Variants in LRRC31 observed in about 807,000 individuals in gnomAD.
LRRC31 encodes leucine-rich repeat-containing protein 31.
In LRRC31, 35 loss-of-function variants were observed where a neutral mutation model predicts 46.7. The ratio of observed to expected loss-of-function variants is 0.75; its 90% CI spans 0.57 to 0.99. LRRC31 has a LOEUF of 0.99. LRRC31 is among the 50% of genes least tolerant of loss of function. The probability of loss-of-function intolerance (pLI) is 0.00; values close to 1 mark genes in which losing one functional copy is unlikely to be tolerated. For missense variants in LRRC31, 613 were observed against 626.1 expected (o/e 0.98, Z 0.22); for synonymous variants, 236 against 235.1 (o/e 1.00, Z -0.03).
chr3:169,868,229 T>A (rs1781389125), intron 1 of LRRC31, among the ~76,000 whole-genome samples: 1 of 152,174 alleles, frequency 6.6e-6, no homozygotes. Flanking sequence ...TTCCTGACTC[T>A]CTCTCAAGCA....
intron 8 of LRRC31, among the ~76,000 whole-genome samples, chr3:169,846,155 T>G (rs1780598084): frequency 6.6e-6 from 1 of 152,360 alleles, no homozygotes; most frequent in Middle Eastern, 3.4e-3. Context: ...AAAATCACAA[T>G]GTTTTGTCCC....
In LRRC31 at chr3:169,847,978, G is replaced by A. The variant is rs1576784590; in HGVS notation, c.1327+142C>T. ...TCGCTCATTTTAATTAGACCTCTCG[G>A]CAGATGTTGGTGAGAAGGGAATCTG... On this transcript the variant is annotated intron_variant, in intron 8 of 8. Transcript: ENST00000316428. The A allele has an allele frequency of 1.4e-5, 10 of 714,184 alleles. No individual in the cohort carries two copies. The East Asian group carries it at 2.6e-4, about 19-fold the overall frequency. The allele number at this position is 714,184 out of a possible 1,614,324, so 44.2% of individuals were successfully genotyped here.
At chr3:169,853,584 A>C in intron 6 of LRRC31, 1 of 985,850 alleles carries the variant, frequency 1.0e-6, no homozygotes, top group Non-Finnish European at 1.2e-6. Flanking sequence ...ATGTCTTCCT[A>C]GGTATGACGC....
intron 8 of LRRC31, among the ~76,000 whole-genome samples, chr3:169,841,066 C>A (rs1780433768): frequency 1.3e-5 from 2 of 152,192 alleles, no homozygotes; most frequent in Non-Finnish European, 2.9e-5. Context: ...CCTTATCCAA[C>A]CTCCTAATCA....
At chr3:169,861,550 A>G (rs934393923) in intron 2 of LRRC31, 120 bp downstream of exon 2, 4 of 992,584 alleles carry the variant, frequency 4.0e-6, no homozygotes. Context: ...CTGTTTCTGC[A>G]ATTGTCTGGG....
At chr3:169,863,739 A>G (rs1300464098) in intron 1 of LRRC31, among the ~76,000 whole-genome samples, 1 of 152,234 alleles carries the variant, frequency 6.6e-6, no homozygotes, top group Non-Finnish European at 1.5e-5. Flanking sequence ...AGTTAAATTT[A>G]AATTTTAAAT....
At chr3:169,860,483 C>G in intron 3 of LRRC31, 78 bp downstream of exon 3, 1 of 1,473,030 alleles carries the variant, frequency 6.8e-7, no homozygotes, top group Non-Finnish European at 9.5e-7. Context: ...CAGCCTCAGC[C>G]TCCCAAAGTG....
intron 1 of LRRC31, among the ~76,000 whole-genome samples, chr3:169,863,688 G>T (rs1781241174): frequency 6.6e-6 from 1 of 152,200 alleles, no homozygotes; most frequent in Admixed American, 6.5e-5. Context: ...TTAATTTTGG[G>T]TAGAGTTGCC....
chr3:169,869,012 A>G (rs1438173313), intron 1 of LRRC31, among the ~76,000 whole-genome samples: 1 of 152,058 alleles, frequency 6.6e-6, no homozygotes, highest in Non-Finnish European at 1.5e-5. Context: ...TCCTTTGTTT[A>G]CAAACAACCC....
At chr3:169,863,875 G>A (rs1398513902) in intron 1 of LRRC31, among the ~76,000 whole-genome samples, 1 of 152,148 alleles carries the variant, frequency 6.6e-6, no homozygotes, top group Non-Finnish European at 1.5e-5. Context: ...TTAGGTGCCA[G>A]CAAGTACAGG....
At chr3:169,868,442 C>T (rs1781397055) in intron 1 of LRRC31, among the ~76,000 whole-genome samples, 1 of 152,196 alleles carries the variant, frequency 6.6e-6, no homozygotes, top group Admixed American at 6.5e-5. Context: ...CATTCTTTGT[C>T]TCCTTAGCCT....
At chr3:169,843,797 T>C (rs370566967) in intron 8 of LRRC31, among the ~76,000 whole-genome samples, 4 of 152,100 alleles carry the variant, frequency 2.6e-5, no homozygotes, top group African/African-American at 9.7e-5. Flanking sequence ...CTATGGGCAG[T>C]AAAAGGATAA....
chr3:169,847,722 G>GT (rs1435664788), intron 8 of LRRC31, among the ~76,000 whole-genome samples: 7 of 152,280 alleles, frequency 4.6e-5, no homozygotes, highest in Admixed American at 2.0e-4. Context: ...GTGATAATCA[G>GT]TTTCCTGTTT....
intron 6 of LRRC31, chr3:169,853,323 G>A (rs1240197361): frequency 5.1e-6 from 5 of 985,090 alleles, no homozygotes; most frequent in Non-Finnish European, 6.0e-6. Flanking sequence ...AAAGCAGGAT[G>A]TATTTTCATT....
At chr3:169,856,623 G>T in intron 4 of LRRC31, 82 bp downstream of exon 4, 1 of 1,445,330 alleles carries the variant, frequency 6.9e-7, no homozygotes, top group South Asian at 1.5e-5. Context: ...TTTAAATTCA[G>T]AATAAGACAA....
At chr3:169,864,783 A>G (rs987767191) in intron 1 of LRRC31, among the ~76,000 whole-genome samples, 1 of 152,214 alleles carries the variant, frequency 6.6e-6, no homozygotes, top group Non-Finnish European at 1.5e-5. Context: ...TTTTTAAAAA[A>G]TCTGTGAAAC....
intron 8 of LRRC31, among the ~76,000 whole-genome samples, chr3:169,842,156 A>T (rs1009402320): frequency 1.1e-4 from 16 of 152,170 alleles, no homozygotes; most frequent in African/African-American, 1.9e-4. Flanking sequence ...ATTACATTTT[A>T]AAAAATCTAG....
chr3:169,860,297 G>A (rs1047395470), intron 3 of LRRC31, among the ~76,000 whole-genome samples: 7 of 149,524 alleles, frequency 4.7e-5, no homozygotes, highest in Non-Finnish European at 7.4e-5. Context: ...GCACGATCTC[G>A]GCTCACTGCA....
At chr3:169,842,166 G>A (rs1018999378) in intron 8 of LRRC31, among the ~76,000 whole-genome samples, 2 of 151,916 alleles carry the variant, frequency 1.3e-5, no homozygotes, top group African/African-American at 4.8e-5. Flanking sequence ...AAAAAATCTA[G>A]GTAGGGGAAA....
Sources: gnomAD v4.1 joint callset for allele counts (sites outside exome capture counted in the v4.1 genomes callset) on GRCh38, gnomAD v4.1.1 for gene constraint, MANE v1.5 for transcripts, NCBI Gene and HGNC (gene_info 2026-07-23, HGNC 2026-07-21) for gene names.